The following CENPO variants were observed in gnomAD, a reference collection of about 807,000 sequenced individuals.
The protein encoded by CENPO is centromeric protein O.
Under a neutral mutation model 36.1 loss-of-function variants are expected in CENPO, and 30 were observed. The observed-to-expected ratio is 0.83, with a 90% CI of 0.62 to 1.13. The LOEUF (loss-of-function observed/expected upper bound fraction) is 1.13. CENPO is among the 50% of genes most tolerant of loss of function. The pLI, the probability that CENPO is intolerant of heterozygous loss-of-function variation, is 0.00. For synonymous variants in CENPO, 171 were observed against 142.3 expected (o/e 1.20, Z -1.44); for missense variants, 349 against 357.8 (o/e 0.98, Z 0.20).
chr2:24,802,499 C>T (rs1666205572), intron 3 of CENPO, among the ~76,000 whole-genome samples: 1 of 152,160 alleles, frequency 6.6e-6, no homozygotes, highest in Non-Finnish European at 1.5e-5. Flanking sequence ...TGAGATACGT[C>T]CCATCAATAA....
In CENPO at chr2:24,806,690, T is replaced by C. The variant is rs530684010; in HGVS notation, c.216+6846T>C. On this transcript the variant is annotated intron_variant, in intron 3 of 7. Coordinates refer to ENST00000380834, the MANE Select transcript of CENPO (RefSeq NM_001322101.2). ...ACTAGTTTTACATTCCCAGCAATAG[T>C]TGTATAAGATTTCCCTTGTTTTGCA... 1.4e-4 allele frequency among the ~76,000 whole-genome samples: 22 copies of C among 152,326 alleles called. No homozygotes were observed. The South Asian group carries it at 4.1e-3, about 29-fold the overall frequency.
In CENPO at chr2:24,812,149, A is replaced by G. The variant is rs750981579; in HGVS notation, c.217-2227A>G. 5.9e-5 allele frequency among the ~76,000 whole-genome samples: 9 copies of G among 151,924 alleles called. No homozygotes were observed. The South Asian group carries it at 1.2e-3, about 21-fold the overall frequency. ...GTTTGACTGAAGACATCTTTATTTC[A>G]CTATGTTTTTTATTTTTTAAGAGTA... On this transcript the variant is annotated intron_variant, in intron 3 of 7. Transcript: ENST00000380834.
intron 3 of CENPO, among the ~76,000 whole-genome samples, chr2:24,811,095 C>A (rs1469917754): frequency 6.6e-6 from 1 of 151,248 alleles, no homozygotes; most frequent in Non-Finnish European, 1.5e-5. Flanking sequence ...AGACGTGCAC[C>A]ACCACGCCTG....
intron 2 of CENPO, among the ~76,000 whole-genome samples, chr2:24,794,192 A>G (rs1159248250): frequency 6.6e-6 from 1 of 152,226 alleles, no homozygotes; most frequent in Non-Finnish European, 1.5e-5. Context: ...AGTTGCATCC[A>G]TCATATGCTC....
At chr2:24,810,634 A>G (rs930756155) in intron 3 of CENPO, among the ~76,000 whole-genome samples, 2 of 151,494 alleles carry the variant, frequency 1.3e-5, no homozygotes, top group African/African-American at 4.9e-5. Flanking sequence ...CAGCCTCCCA[A>G]GTAGCTGGGA....
chr2:24,794,593 G>A (rs1665799201), intron 2 of CENPO, among the ~76,000 whole-genome samples: 2 of 152,170 alleles, frequency 1.3e-5, no homozygotes, highest in Non-Finnish European at 2.9e-5. Flanking sequence ...AATGTAGAAG[G>A]TGTTTAAAGA....
At chr2:24,796,201 A>G (rs1435156489) in intron 2 of CENPO, among the ~76,000 whole-genome samples, 1 of 152,106 alleles carries the variant, frequency 6.6e-6, no homozygotes, top group African/African-American at 2.4e-5. Context: ...TAAAAATACA[A>G]AAATTAGCCG....
chr2:24,802,407 G>C (rs1288938810), intron 3 of CENPO, among the ~76,000 whole-genome samples: 4 of 152,012 alleles, frequency 2.6e-5, no homozygotes, highest in Non-Finnish European at 5.9e-5. Context: ...TCTTGTGCCA[G>C]TTTTCAAAGG....
chr2:24,820,530 G>A lies in CENPO; in HGVS notation c.*1212G>A. The A allele has an allele frequency of 7.1e-7, 1 of 1,403,008 alleles. No individual in the cohort carries two copies. The highest frequency in any genetic ancestry group is 9.3e-7 in the Non-Finnish European group (1 of 1,073,540). The allele number at this position is 1,403,008 out of a possible 1,614,324, so 86.9% of individuals were successfully genotyped here. ...CATCTAGAACTTCAGCCCAGATTTTGTGGATGGGTGGAAGTGTTTCTTCCT... is the reference window on the plus strand; with the variant it reads ...CATCTAGAACTTCAGCCCAGATTTTATGGATGGGTGGAAGTGTTTCTTCCT... On this transcript the variant is annotated 3_prime_UTR_variant, in exon 8 of 8. Coordinates refer to ENST00000380834, the MANE Select transcript of CENPO (RefSeq NM_001322101.2).
intron 2 of CENPO, 88 bp downstream of exon 2, chr2:24,794,053 G>A: frequency 9.9e-7 from 1 of 1,014,396 alleles, no homozygotes; most frequent in Non-Finnish European, 1.6e-6. Flanking sequence ...AACTGACGTG[G>A]GACCTGGCCT....
At chr2:24,814,296 G>A in intron 3 of CENPO, 80 bp from the exon 4 acceptor site, 1 of 774,408 alleles carries the variant, frequency 1.3e-6, no homozygotes, top group South Asian at 1.4e-5. Flanking sequence ...CTTGTATTTA[G>A]CTTTCATCCA....
chr2:24,817,468 A>G (rs868446195), intron 6 of CENPO, among the ~76,000 whole-genome samples: 2 of 151,124 alleles, frequency 1.3e-5, no homozygotes, highest in African/African-American at 4.9e-5. Context: ...GTCCAGACCA[A>G]AAAAAAAAGC....
At position 24,820,126 on chromosome 2, in the gene CENPO, G is replaced by A. The variant is rs1380470542; in HGVS notation, c.*808G>A. On this transcript the variant is annotated 3_prime_UTR_variant, in exon 8 of 8. Transcript: ENST00000380834. Reference sequence around the variant, plus strand: ...GTTTCTTCTACCACCTGGAGAGGGAGGGGGAGCAAGAACGTGGCGTTACGG... The same window carrying A: ...GTTTCTTCTACCACCTGGAGAGGGAAGGGGAGCAAGAACGTGGCGTTACGG... 6.5e-7 allele frequency: 1 copy of A among 1,533,114 alleles called. No individual in the cohort carries two copies. The highest frequency in any genetic ancestry group is 8.8e-7 in the Non-Finnish European group (1 of 1,140,282). The allele number at this position is 1,533,114 out of a possible 1,614,324, so 95.0% of individuals were successfully genotyped here.
intron 3 of CENPO, among the ~76,000 whole-genome samples, chr2:24,804,674 TAG>T (rs1666303014): frequency 6.6e-6 from 1 of 152,226 alleles, no homozygotes; most frequent in Non-Finnish European, 1.5e-5. Context: ...TTCTGACTTG[TAG>T]AGTTTGTGCC....
intron 3 of CENPO, among the ~76,000 whole-genome samples, chr2:24,806,898 T>C (rs1185442159): frequency 2.0e-5 from 3 of 152,194 alleles, no homozygotes; most frequent in Non-Finnish European, 4.4e-5. Flanking sequence ...TTGTCCTTCC[T>C]CCATTGCCAC....
chr2:24,798,373 C>T (rs1379191168), intron 2 of CENPO, among the ~76,000 whole-genome samples: 1 of 151,870 alleles, frequency 6.6e-6, no homozygotes, highest in Non-Finnish European at 1.5e-5. Flanking sequence ...GGTAACTGAT[C>T]ATTTAGGGTT....
At chr2:24,806,059 A>G (rs773007026) in intron 3 of CENPO, among the ~76,000 whole-genome samples, 1 of 152,162 alleles carries the variant, frequency 6.6e-6, no homozygotes, top group Non-Finnish European at 1.5e-5. Flanking sequence ...GCTGCCTTGC[A>G]GTTTGATCTC....
chr2:24,817,821 T>C lies in CENPO; in HGVS notation c.*15T>C, dbSNP rs1391664661. ...TGGTCTCCTAATAGATTGTTTTCAC[T>C]GCACTGGGAGCACATCAGAGGTAAG... On this transcript the variant is annotated 3_prime_UTR_variant, in exon 7 of 8. Coordinates refer to ENST00000380834, the MANE Select transcript of CENPO (RefSeq NM_001322101.2). 6.2e-7 allele frequency: 1 copy of C among 1,613,946 alleles called. No individual in the cohort carries two copies. The highest frequency in any genetic ancestry group is 1.3e-5 in the African/African-American group (1 of 74,920).
intron 3 of CENPO, among the ~76,000 whole-genome samples, chr2:24,802,936 C>A (rs562648365): frequency 6.2e-4 from 94 of 152,178 alleles, no homozygotes; most frequent in African/African-American, 2.0e-3. Context: ...TGGTAGAATT[C>A]GGCTGTGAAT....
Sources: gnomAD v4.1 joint callset for allele counts (sites outside exome capture counted in the v4.1 genomes callset) on GRCh38, gnomAD v4.1.1 for gene constraint, MANE v1.5 for transcripts, NCBI Gene and HGNC (gene_info 2026-07-23, HGNC 2026-07-21) for gene names.